Variants in ADAMTS12 observed in about 807,000 individuals in gnomAD.
The protein encoded by ADAMTS12 is ADAM metallopeptidase with thrombospondin type 1 motif 12.
ADAMTS12 carries 118 observed loss-of-function variants against 167.8 expected under a neutral mutation model. The ratio of observed to expected loss-of-function variants is 0.70; its 90% CI spans 0.61 to 0.82. ADAMTS12 has a LOEUF of 0.82. Among genes scored for constraint, ADAMTS12 ranks in the 40% least tolerant of loss-of-function variants. ADAMTS12 has a pLI of 0.00. For missense variants in ADAMTS12, 1,916 were observed against 1,998.8 expected (o/e 0.96, Z 0.79); for synonymous variants, 704 against 716.9 (o/e 0.98, Z 0.29).
chr5:33,586,103 A>G (rs1264516635), intron 18 of ADAMTS12, among the ~76,000 whole-genome samples: 1 of 152,190 alleles, frequency 6.6e-6, no homozygotes, highest in African/African-American at 2.4e-5. Flanking sequence ...TGAAAATGAC[A>G]CAGTGCAGAC....
intron 5 of ADAMTS12, among the ~76,000 whole-genome samples, chr5:33,663,358 C>T (rs776649449): frequency 4.6e-5 from 7 of 151,426 alleles, no homozygotes; most frequent in Non-Finnish European, 8.8e-5. Context: ...TGGGAGCAAA[C>T]GTGCCCACCC....
intron 2 of ADAMTS12, among the ~76,000 whole-genome samples, chr5:33,880,488 C>A (rs1261335758): frequency 6.6e-6 from 1 of 152,246 alleles, no homozygotes; most frequent in African/African-American, 2.4e-5. Flanking sequence ...TCTGTAAACA[C>A]ACAGCATATC....
rs561630676 is a variant in ADAMTS12 at position 33,769,184 on chromosome 5, G to T, written c.490-17636C>A. On this transcript the variant is annotated intron_variant, in intron 2 of 23. Transcript: ENST00000504830. ...AGCCGGGAAACTAACTCCCAAGAGT[G>T]TCACCTTGGAAACTCCCAAGAGCCT... 1.8e-3 allele frequency among the ~76,000 whole-genome samples: 279 copies of T among 152,172 alleles called. 1 individual carries two copies. The highest frequency in any genetic ancestry group is 3.4e-3 in the Non-Finnish European group (231 of 67,998).
At chr5:33,762,341 T>A (rs1166798289) in intron 2 of ADAMTS12, among the ~76,000 whole-genome samples, 1 of 151,696 alleles carries the variant, frequency 6.6e-6, no homozygotes, top group Non-Finnish European at 1.5e-5. Flanking sequence ...ACCCTGTCTC[T>A]ACTAAAAATA....
intron 3 of ADAMTS12, among the ~76,000 whole-genome samples, chr5:33,707,393 A>G (rs921422726): frequency 6.6e-6 from 1 of 152,178 alleles, no homozygotes; most frequent in African/African-American, 2.4e-5. Flanking sequence ...TAATTTATAG[A>G]TTTAATGTTA....
chr5:33,817,281 C>G (rs534954547), intron 2 of ADAMTS12, among the ~76,000 whole-genome samples: 1 of 152,252 alleles, frequency 6.6e-6, no homozygotes, highest in South Asian at 2.1e-4. Flanking sequence ...AACTGCCTTG[C>G]ACTAGAATTA....
intron 2 of ADAMTS12, among the ~76,000 whole-genome samples, chr5:33,780,003 G>A (rs1561267719): frequency 6.6e-6 from 1 of 152,148 alleles, no homozygotes; most frequent in Non-Finnish European, 1.5e-5. Context: ...TACAAAAAAT[G>A]ATAACTGTGA....
At chr5:33,884,552 T>C (rs1451640198) in intron 1 of ADAMTS12, among the ~76,000 whole-genome samples, 4 of 152,214 alleles carry the variant, frequency 2.6e-5, no homozygotes, top group African/African-American at 7.2e-5. Flanking sequence ...TTCACTTGCC[T>C]TGAGTTGGGG....
At chr5:33,658,468 G>T in intron 6 of ADAMTS12, 135 bp from the exon 7 acceptor site, 1 of 958,482 alleles carries the variant, frequency 1.0e-6, no homozygotes, top group Non-Finnish European at 1.5e-6. Flanking sequence ...AAGTCTACAT[G>T]AATGTAGGCA....
rs544348962 is a variant in ADAMTS12, at chr5:33,651,988, G to A, written c.1191-2291C>T. On this transcript the variant is annotated intron_variant, in intron 7 of 23. Transcript: ENST00000504830. ...CATGATTTCATTCTTTTTTATGGCA[G>A]TGTAGTATTCCGTGGTCTATATATA... Among the ~76,000 whole-genome samples, 8 of 152,264 alleles carry A rather than the reference G, an allele frequency of 5.3e-5. No individual in the cohort carries two copies. In the South Asian group the frequency reaches 1.2e-3, roughly 24 times the overall value.
intron 3 of ADAMTS12, among the ~76,000 whole-genome samples, chr5:33,736,492 T>G (rs113309328): frequency 6.6e-6 from 1 of 152,232 alleles, no homozygotes; most frequent in African/African-American, 2.4e-5. Context: ...CTGCAGAATT[T>G]TTGTGTTCAT....
intron 2 of ADAMTS12, among the ~76,000 whole-genome samples, chr5:33,818,858 A>G (rs1483810841): frequency 6.6e-6 from 1 of 152,142 alleles, no homozygotes; most frequent in Non-Finnish European, 1.5e-5. Flanking sequence ...ACTTTTTCAT[A>G]TAACTGTTAG....
chr5:33,694,801 T>C (rs1176740737), intron 3 of ADAMTS12, among the ~76,000 whole-genome samples: 1 of 152,228 alleles, frequency 6.6e-6, no homozygotes. Flanking sequence ...ACTAATAAGG[T>C]ACATTGATTA....
intron 3 of ADAMTS12, among the ~76,000 whole-genome samples, chr5:33,688,192 A>T (rs1742412901): frequency 6.6e-6 from 1 of 152,182 alleles, no homozygotes; most frequent in Admixed American, 6.5e-5. Flanking sequence ...TATGAACCAC[A>T]AGCAAAGAAG....
intron 3 of ADAMTS12, among the ~76,000 whole-genome samples, chr5:33,712,135 A>G (rs143902604): frequency 1.3e-5 from 2 of 152,168 alleles, no homozygotes; most frequent in African/African-American, 2.4e-5. Context: ...GGATTAAATG[A>G]CTTGATGCAT....
Position 33,831,380 on chromosome 5 carries a change from T to C in ADAMTS12, c.489+49739A>G, listed in dbSNP as rs142453782. Among the ~76,000 whole-genome samples, 988 of 152,300 alleles carry C rather than the reference T, an allele frequency of 6.5e-3. 7 individuals are homozygous for C. The highest frequency in any genetic ancestry group is 0.021 in the African/African-American group (885 of 41,562). ...CCAGACTCCACCACTAAAACCACTC[T>C]ACTATACTGTCTCTTAAAGGATGGT... On this transcript the variant is annotated intron_variant, in intron 2 of 23. Transcript: ENST00000504830.
Position 33,577,155 on chromosome 5 carries a change from A to G in ADAMTS12, c.2871T>C (p.Ser957=). 6.2e-7 allele frequency: 1 copy of G among 1,614,200 alleles called. No homozygotes were observed. The highest frequency in any genetic ancestry group is 8.5e-7 in the Non-Finnish European group (1 of 1,180,028). The change falls in exon 19 of 24, where the codon TCT becomes TCC. Residue 957 remains serine (S), a synonymous_variant. Transcript: ENST00000504830. ...TCCGCACTCCACCACCACAGGAAAC[A>G]GAACACTAGAAGAGAGAAACAGCTG... ...DWTVGNWSEC[S]VSCGGGVRIR...
At chr5:33,818,770 T>C (rs537385190) in intron 2 of ADAMTS12, among the ~76,000 whole-genome samples, 1 of 152,300 alleles carries the variant, frequency 6.6e-6, no homozygotes, top group South Asian at 2.1e-4. Context: ...TTTTTGGTAA[T>C]AGCCAAACTT....
intron 3 of ADAMTS12, among the ~76,000 whole-genome samples, chr5:33,710,263 C>T (rs1363337993): frequency 6.6e-6 from 1 of 152,154 alleles, no homozygotes; most frequent in Non-Finnish European, 1.5e-5. Context: ...AGGCACTAAT[C>T]AGATAAAATT....
Sources: allele counts gnomAD v4.1 joint callset (sites outside exome capture counted in the v4.1 genomes callset), GRCh38; gene constraint gnomAD v4.1.1; transcripts MANE v1.5; gene names NCBI Gene and HGNC (gene_info 2026-07-23, HGNC 2026-07-21).